Variants in ELFN2 observed in about 807,000 individuals in gnomAD.
ELFN2 encodes extracellular leucine rich repeat and fibronectin type III domain containing 2, also known as protein phosphatase 1 regulatory subunit 29.
ELFN2 carries 17 observed loss-of-function variants against 45.5 expected under a neutral mutation model. That is an observed-to-expected ratio of 0.37 (90% CI 0.26 to 0.56). The LOEUF is 0.56. ELFN2 is among the 20% of genes least tolerant of loss of function. The probability of loss-of-function intolerance (pLI) is 0.77; values close to 1 mark genes in which losing one functional copy is unlikely to be tolerated. For missense variants in ELFN2, 922 were observed against 1,183.2 expected, an observed-to-expected ratio of 0.78 and a Z score of 3.24; for synonymous variants, 550 against 551.5, an observed-to-expected ratio of 1.00 and a Z score of 0.04.
chr22:37,359,441 G>A (rs781758873), intron 1 of ELFN2, among the ~76,000 whole-genome samples: 1 of 152,062 alleles, frequency 6.6e-6, no homozygotes. Context: ...CCTGGCTCTC[G>A]GCCCTCTATG....
intron 2 of ELFN2, among the ~76,000 whole-genome samples, chr22:37,376,658 G>A (rs1013808840): frequency 2.6e-5 from 4 of 152,234 alleles, no homozygotes; most frequent in Non-Finnish European, 4.4e-5. Flanking sequence ...GGCCCCCCAA[G>A]CAGAGGGACA....
In ELFN2 at chr22:37,351,958, G is replaced by A. The variant is rs930630938; in HGVS notation, n.149-9255C>T. Among the ~76,000 whole-genome samples the A allele has an allele frequency of 6.6e-5, 10 of 151,032 alleles. 2 individuals carry two copies. The East Asian group carries it at 9.7e-4, about 15-fold the overall frequency. On this transcript the variant is annotated intron_variant and non_coding_transcript_variant, in intron 1 of 2. Coordinates refer to ENST00000452946, the Ensembl canonical transcript of ELFN2. ...TCATCTTTGCGCCTGCCTGGCCCCC[G>A]AGTAGACTGGGCTGCCCAACTCGGA...
chr22:37,365,926 G>C (rs538881217), downstream of ELFN2, among the ~76,000 whole-genome samples: 1 of 151,996 alleles, frequency 6.6e-6, no homozygotes, highest in Non-Finnish European at 1.5e-5. Context: ...AGCGTTTCAG[G>C]TATTTGCGAA....
In ELFN2 at chr22:37,369,668, C is replaced by T. The variant is rs1250625151; in HGVS notation, c.*3404G>A. 6.6e-6 allele frequency: 1 copy of T among 152,326 alleles called. No homozygotes were observed. The highest frequency in any genetic ancestry group is 1.5e-5 in the Non-Finnish European group (1 of 68,136). The allele number at this position is 152,326 out of a possible 1,614,324, so 9.4% of individuals were successfully genotyped here. On this transcript the variant is annotated 3_prime_UTR_variant, in exon 3 of 3. Coordinates refer to ENST00000402918, the MANE Select transcript of ELFN2 (RefSeq NM_052906.5). Reference sequence around the variant, plus strand: ...TGTGCCCTCCCAGGAAGGAGCAGACCCATTGTGCTACTTCCCAGAAACAGC... The same window carrying T: ...TGTGCCCTCCCAGGAAGGAGCAGACTCATTGTGCTACTTCCCAGAAACAGC...
At chr22:37,347,737 T>G (rs756450371) in intron 1 of ELFN2, among the ~76,000 whole-genome samples, 6 of 152,062 alleles carry the variant, frequency 3.9e-5, no homozygotes, top group Non-Finnish European at 8.8e-5. Context: ...CCTGGAAGAT[T>G]TTTAAGAGTT....
intron 2 of ELFN2, among the ~76,000 whole-genome samples, chr22:37,395,061 C>A (rs900364424): frequency 1.3e-5 from 2 of 151,676 alleles, no homozygotes; most frequent in African/African-American, 4.8e-5. Flanking sequence ...GCCAAGATCA[C>A]GCCACTGCAC....
rs897357111 is a variant in ELFN2, at chr22:37,372,931, C to A, written c.*141G>T. ...CGGGTGGTGGTCAGGTGTGTGTGTG[C>A]GTGCGTGCGTGCGGGTCTGCATGTG... On this transcript the variant is annotated 3_prime_UTR_variant, in exon 3 of 3. Transcript: ENST00000402918. This position sits in a 1 kb window ranked among gnomAD's most constrained non-coding sequence, Gnocchi z 4.4. 4.0e-6 allele frequency: 3 copies of A among 754,354 alleles called. No individual in the cohort carries two copies. The Admixed American group carries it at 9.4e-5, about 24-fold the overall frequency. 46.7% of individuals were successfully genotyped at this position (754,354 alleles called of 1,614,324 possible).
chr22:37,387,884 C>A (rs993487716), intron 2 of ELFN2, among the ~76,000 whole-genome samples: 2 of 151,860 alleles, frequency 1.3e-5, no homozygotes, highest in African/African-American at 4.8e-5. Context: ...GCCTCCGGGG[C>A]CCTTCCCTGG....
Position 37,348,732 on chromosome 22 carries a change from C to G in ELFN2, n.149-6029G>C, listed in dbSNP as rs368597137. Among the ~76,000 whole-genome samples, 116 of 150,914 alleles carry G rather than the reference C, an allele frequency of 7.7e-4. 3 individuals are homozygous for G. The highest frequency in any genetic ancestry group is 3.4e-3 in the Middle Eastern group (1 of 294). The stretch of plus-strand genomic sequence containing the variant: ...GCTCCCGGGGCCCACCAATCTGTGT[C>G]CTATCTGAGGAATGTGCCACCCGAG... On this transcript the variant is annotated intron_variant and non_coding_transcript_variant, in intron 1 of 2. Coordinates refer to ENST00000452946, the Ensembl canonical transcript of ELFN2.
chr22:37,354,836 C>G (rs1930912579), intron 1 of ELFN2: 2 of 150,812 alleles, frequency 1.3e-5, no homozygotes, highest in Non-Finnish European at 3.0e-5. Context: ...GCTGGTAGCA[C>G]CTAACCATCC....
At chr22:37,360,961 G>A (rs992012039) in intron 1 of ELFN2, among the ~76,000 whole-genome samples, 1 of 152,116 alleles carries the variant, frequency 6.6e-6, no homozygotes, top group African/African-American at 2.4e-5. Flanking sequence ...TCTGGAATGG[G>A]GTTTACAGCA....
rs541346521 is a variant in ELFN2 at position 37,408,158 on chromosome 22, A to G, written c.-463+9611T>C. Among the ~76,000 whole-genome samples, 4 of 152,316 alleles carry G rather than the reference A, an allele frequency of 2.6e-5. No homozygotes were observed. The South Asian group carries it at 8.3e-4, about 32-fold the overall frequency. On this transcript the variant is annotated intron_variant, in intron 2 of 2. Transcript: ENST00000402918. ...TGCGGTCTAGCCCACACATTTATAC[A>G]TACACAGACAGATGACCACCATGTC...
intron 2 of ELFN2, among the ~76,000 whole-genome samples, chr22:37,392,051 G>A (rs768517784): frequency 1.4e-4 from 22 of 152,250 alleles, no homozygotes; most frequent in Admixed American, 5.2e-4. Flanking sequence ...TTTAAAAACT[G>A]TAAAGTGCCA....
chr22:37,362,578 G>T (rs9622609), intron 1 of ELFN2, among the ~76,000 whole-genome samples: 50,687 of 152,122 alleles, frequency 0.33, 9,583 homozygotes, highest in Admixed American at 0.55. Flanking sequence ...GGCCATGCCC[G>T]ATCTGGGACT....
chr22:37,410,499 C>T (rs976962732), intron 2 of ELFN2, among the ~76,000 whole-genome samples: 3 of 152,096 alleles, frequency 2.0e-5, no homozygotes, highest in Non-Finnish European at 2.9e-5. Context: ...GTTGAGCCCC[C>T]GCTTCCCCTC....
downstream of ELFN2, among the ~76,000 whole-genome samples, chr22:37,363,437 C>G (rs549955534): frequency 2.0e-5 from 3 of 152,280 alleles, no homozygotes; most frequent in South Asian, 4.1e-4. Context: ...GTTTCACCCC[C>G]CTGGGAACTC....
chr22:37,395,156 T>C (rs530659681), intron 2 of ELFN2, among the ~76,000 whole-genome samples: 25 of 150,732 alleles, frequency 1.7e-4, no homozygotes, highest in African/African-American at 6.1e-4. Flanking sequence ...TAAATATTGT[T>C]GGATTAATTT....
At chr22:37,380,866 T>C (rs539997203) in intron 2 of ELFN2, among the ~76,000 whole-genome samples, 1 of 152,302 alleles carries the variant, frequency 6.6e-6, no homozygotes, top group African/African-American at 2.4e-5. Context: ...TTTCACTGCC[T>C]AGAGCTCCTT....
intron 2 of ELFN2, among the ~76,000 whole-genome samples, chr22:37,395,190 A>G (rs1184415984): frequency 1.3e-5 from 2 of 152,194 alleles, no homozygotes; most frequent in Admixed American, 6.5e-5. Context: ...ACGGAGGCTC[A>G]GAAAGACAAA....
Sources: gnomAD v4.1 joint callset for allele counts (sites outside exome capture counted in the v4.1 genomes callset) on GRCh38, gnomAD v4.1.1 for gene constraint, Gnocchi (gnomAD v3.1) non-coding constraint, MANE v1.5 for transcripts, NCBI Gene and HGNC (gene_info 2026-07-23, HGNC 2026-07-21) for gene names.